The following SLC25A40 variants were observed in gnomAD, a reference collection of about 807,000 sequenced individuals.
SLC25A40 encodes the protein solute carrier family 25 member 40, also known as mitochondrial glutathione transporter SLC25A40.
Under a neutral mutation model 46.5 loss-of-function variants are expected in SLC25A40, and 41 were observed. The ratio of observed to expected loss-of-function variants is 0.88; its 90% CI spans 0.69 to 1.14. The LOEUF (loss-of-function observed/expected upper bound fraction) is 1.14, where lower values mean the gene tolerates loss of function less well. SLC25A40 is among the 50% of genes most tolerant of loss of function. The pLI, the probability that SLC25A40 is intolerant of heterozygous loss-of-function variation, is 0.00. For synonymous variants in SLC25A40, 126 were observed against 127.5 expected (o/e 0.99, Z 0.08); for missense variants, 386 against 393.6 (o/e 0.98, Z 0.16).
chr7:87,846,391 C>T (rs886880055), intron 8 of SLC25A40, among the ~76,000 whole-genome samples: 8 of 152,164 alleles, frequency 5.3e-5, no homozygotes, highest in Non-Finnish European at 7.4e-5. Context: ...GGAAATGCCA[C>T]TAAAGTAGGC....
intron 10 of SLC25A40, 65 bp downstream of exon 10, chr7:87,841,568 C>T (rs1838334899): frequency 2.2e-6 from 2 of 898,808 alleles, no homozygotes; most frequent in Non-Finnish European, 3.2e-6. Context: ...TTAGATATCC[C>T]TACAATATCT....
intron 1 of SLC25A40, among the ~76,000 whole-genome samples, chr7:87,866,059 G>A (rs757919653): frequency 1.5e-4 from 22 of 151,394 alleles, no homozygotes; most frequent in Non-Finnish European, 2.6e-4. Context: ...CTCCAGCCGA[G>A]GCAATAGAAC....
chr7:87,854,382 G>T, intron 4 of SLC25A40, 72 bp from the exon 5 acceptor site: 1 of 855,712 alleles, frequency 1.2e-6, no homozygotes, highest in South Asian at 1.7e-5. Context: ...TGAACAAATT[G>T]ACATCACAAT....
chr7:87,837,220 C>G (rs1838269759), intron 10 of SLC25A40: 1 of 150,286 alleles, frequency 6.7e-6, no homozygotes. Context: ...AGTTCAAGAC[C>G]AGCCTGGTCT....
At chr7:87,862,938 A>C (rs1334894493) in intron 1 of SLC25A40, among the ~76,000 whole-genome samples, 1 of 152,156 alleles carries the variant, frequency 6.6e-6, no homozygotes, top group East Asian at 1.9e-4. Flanking sequence ...ATTACCTCCC[A>C]CCAGGTCTCT....
chr7:87,843,322 A>T (rs903454053), intron 9 of SLC25A40, among the ~76,000 whole-genome samples: 5 of 152,050 alleles, frequency 3.3e-5, no homozygotes, highest in African/African-American at 1.2e-4. Flanking sequence ...TTTTTGTTCA[A>T]ATTATTTTAA....
rs201504270 is a variant in SLC25A40, at chr7:87,854,286, C to A, written c.182G>T (p.Gly61Val). 36 of 1,611,636 alleles carry A rather than the reference C, an allele frequency of 2.2e-5. No individual in the cohort carries two copies. The African/African-American group carries it at 4.7e-4, about 21-fold the overall frequency. Residue 61 changes from glycine (G) to valine (V), a missense_variant, in exon 5 of 12, where the codon GGA becomes GTA. Coordinates refer to ENST00000341119, the MANE Select transcript of SLC25A40 (RefSeq NM_018843.4). ...PKGKCFVYSN[G>V]LMDHLCVCEE... ...ACAGACACATAGATGATCCATGAGT[C>A]CATTACTATATACAAAACATTTTCC...
At chr7:87,871,610 T>C (rs550151461) in intron 1 of SLC25A40, among the ~76,000 whole-genome samples, 154 of 152,370 alleles carry the variant, frequency 1.0e-3, no homozygotes, top group Non-Finnish European at 1.5e-3. Context: ...TTTTCCTTTT[T>C]GGTCTGGTTA....
rs1385374444 is a variant in SLC25A40, at chr7:87,835,620, A to G, written c.*629T>C. ...AAATGGCACAATGTACATCACACAA[A>G]TGATTATATTATGGTTCATAAGGAA... On this transcript the variant is annotated 3_prime_UTR_variant, in exon 12 of 12. Coordinates refer to ENST00000341119, the MANE Select transcript of SLC25A40 (RefSeq NM_018843.4). 6.6e-6 allele frequency: 1 copy of G among 151,544 alleles called. No individual in the cohort carries two copies. The highest frequency in any genetic ancestry group is 2.4e-5 in the African/African-American group (1 of 41,356). The allele number at this position is 151,544 out of a possible 1,614,324, so 9.4% of individuals were successfully genotyped here.
At chr7:87,854,131 C>G in intron 5 of SLC25A40, 73 bp downstream of exon 5, 1 of 1,024,864 alleles carries the variant, frequency 9.8e-7, no homozygotes, top group East Asian at 2.5e-5. Flanking sequence ...AACCCTCTTG[C>G]AATTAGAAAA....
chr7:87,838,836 A>G (rs1487840344), intron 10 of SLC25A40, among the ~76,000 whole-genome samples: 2 of 151,638 alleles, frequency 1.3e-5, no homozygotes, highest in African/African-American at 4.8e-5. Flanking sequence ...TTACTTCTGC[A>G]ATGTGCTTTC....
chr7:87,875,122 T>C (rs546699894), intron 1 of SLC25A40, among the ~76,000 whole-genome samples: 2 of 152,346 alleles, frequency 1.3e-5, no homozygotes, highest in African/African-American at 2.4e-5. Flanking sequence ...CTCTAATGAA[T>C]TGCCCCATGA....
intron 10 of SLC25A40, 116 bp from the exon 11 acceptor site, chr7:87,836,926 A>G: frequency 1.9e-6 from 1 of 523,110 alleles, no homozygotes. Context: ...CCATAAGAAG[A>G]GGTTTGTTTA....
chr7:87,854,756 G>A (rs1044612613), intron 4 of SLC25A40, among the ~76,000 whole-genome samples: 6 of 146,240 alleles, frequency 4.1e-5, no homozygotes, highest in Non-Finnish European at 7.4e-5. Flanking sequence ...AGCTTGCAGT[G>A]AGCCAAGATC....
rs1838262962 is a variant in SLC25A40 at position 87,836,789 on chromosome 7, G to A, written c.845C>T (p.Ser282Leu). The change falls in exon 11 of 12, where the codon TCA (serine) becomes TTA (leucine). Residue 282 changes from serine to leucine, a missense_variant. Physicochemically the swap from Ser to Leu is moderately radical, Grantham distance 145. Transcript: ENST00000341119. Reference sequence around the variant, plus strand: ...AATGTTCTTCATTATAATCCAGGTTGACATATGCAAAGGCATAGAAACTAA... The same window carrying A: ...AATGTTCTTCATTATAATCCAGGTTAACATATGCAAAGGCATAGAAACTAA... The part of the protein sequence containing the change: ...SHKISMPLHM[S>L]TWIIMKNIVA... 6.6e-7 allele frequency: 1 copy of A among 1,521,288 alleles called. No individual in the cohort carries two copies. The highest frequency in any genetic ancestry group is 8.8e-7 in the Non-Finnish European group (1 of 1,140,530). 94.2% of individuals were successfully genotyped at this position (1,521,288 alleles called of 1,614,324 possible).
rs573625613 is a variant in SLC25A40 at position 87,859,368 on chromosome 7, G to C, written c.-24-617C>G. Among the ~76,000 whole-genome samples, 227 of 152,224 alleles carry C rather than the reference G, an allele frequency of 1.5e-3. 1 individual carries two copies. The highest frequency in any genetic ancestry group is 0.01 in the Middle Eastern group (3 of 294). On this transcript the variant is annotated intron_variant, in intron 2 of 11. Transcript: ENST00000341119. ...GAGGCAGGAGAATGGCGTGAACCCA[G>C]GAGGCGGAGCTTGCAGTGAGCCGAG...
intron 7 of SLC25A40, 35 bp downstream of exon 7, chr7:87,847,818 A>C: frequency 6.3e-7 from 1 of 1,583,482 alleles, no homozygotes; most frequent in South Asian, 1.2e-5. Flanking sequence ...AGCTCTAAAC[A>C]GAAATCAAAA....
At chr7:87,853,199 G>C (rs528965523) in intron 5 of SLC25A40, among the ~76,000 whole-genome samples, 1 of 152,240 alleles carries the variant, frequency 6.6e-6, no homozygotes, top group Non-Finnish European at 1.5e-5. Flanking sequence ...CCTTTTTACT[G>C]AAGAGGGAAA....
intron 3 of SLC25A40, among the ~76,000 whole-genome samples, chr7:87,857,801 A>G (rs1838636909): frequency 6.6e-6 from 1 of 152,212 alleles, no homozygotes; most frequent in Non-Finnish European, 1.5e-5. Context: ...ACAGAATAAC[A>G]GCGATTTTAG....
Sources: gnomAD v4.1 joint callset for allele counts (sites outside exome capture counted in the v4.1 genomes callset) on GRCh38, gnomAD v4.1.1 for gene constraint, MANE v1.5 for transcripts, NCBI Gene and HGNC (gene_info 2026-07-23, HGNC 2026-07-21) for gene names.